GLS: variants seen among roughly 807,000 people sequenced by gnomAD.
GLS encodes the protein glutaminase kidney isoform, mitochondrial.
GLS carries 36 observed loss-of-function variants against 86.7 expected under a neutral mutation model. The ratio of observed to expected loss-of-function variants is 0.42; its 90% CI spans 0.32 to 0.55. The LOEUF (loss-of-function observed/expected upper bound fraction) is 0.55. GLS is among the 20% of genes least tolerant of loss of function. GLS has a pLI of 0.17. For synonymous variants in GLS, 317 were observed against 305.9 expected (o/e 1.04, Z -0.38); for missense variants, 528 against 833.4 (o/e 0.63, Z 4.51).
chr2:190,933,004 T>G, intron 14 of GLS: 7 of 1,188,086 alleles, frequency 5.9e-6, no homozygotes, highest in Non-Finnish European at 7.3e-6. Context: ...TTTTTTTCCT[T>G]TTAATCTTTG....
Position 190,913,409 on chromosome 2 carries a change from C to A in GLS, c.1038+3088C>A. The A allele has an allele frequency of 1.1e-6, 1 of 926,316 alleles. No homozygotes were observed. Among genetic ancestry groups the A allele is most frequent in the Non-Finnish European group, 1.4e-6 (1 of 731,362 alleles). The allele number at this position is 926,316 out of a possible 1,614,324, so 57.4% of individuals were successfully genotyped here. ...CAAATGTAATTTTATACTTAAAATG[C>A]ACATAATTTTTAAAAATCATAAGGG... On this transcript the variant is annotated intron_variant, in intron 7 of 17. Coordinates refer to ENST00000320717, the MANE Select transcript of GLS (RefSeq NM_014905.5). The surrounding 1 kb of genome is among the most constrained non-coding windows in gnomAD (Gnocchi z 6.1).
chr2:190,882,618 T>C (rs1688241386), intron 1 of GLS, among the ~76,000 whole-genome samples: 1 of 152,228 alleles, frequency 6.6e-6, no homozygotes. Context: ...GCCTGCTTGA[T>C]GTTTTCCTGT....
intron 1 of GLS, among the ~76,000 whole-genome samples, chr2:190,892,842 A>G (rs1325475493): frequency 6.6e-6 from 1 of 152,140 alleles, no homozygotes; most frequent in Non-Finnish European, 1.5e-5. Context: ...CCCTATAGAT[A>G]AAAATTAATT....
intron 3 of GLS, among the ~76,000 whole-genome samples, chr2:190,899,846 C>T (rs189647603): frequency 2.0e-5 from 3 of 152,096 alleles, no homozygotes; most frequent in African/African-American, 7.2e-5. Context: ...ACTTGGTTTA[C>T]TATATTTTTA....
At chr2:190,881,794 C>G (rs559070937) in intron 1 of GLS, 2 of 251,660 alleles carry the variant, frequency 7.9e-6, no homozygotes, top group Non-Finnish European at 1.5e-5. Context: ...GCTGCGTGCT[C>G]AGCTCCCTGG....
At chr2:190,926,077 A>G (rs960788180) in intron 11 of GLS, among the ~76,000 whole-genome samples, 1 of 152,222 alleles carries the variant, frequency 6.6e-6, no homozygotes, top group African/African-American at 2.4e-5. Flanking sequence ...ACAGCCATAG[A>G]AGTGGTACTG....
intron 11 of GLS, 93 bp from the exon 12 acceptor site, chr2:190,927,213 G>A: frequency 2.1e-6 from 2 of 930,854 alleles, no homozygotes; most frequent in Non-Finnish European, 1.6e-6. Flanking sequence ...AAATATTTCA[G>A]ATCTGTATGA....
rs551351554 is a variant in GLS at position 190,962,727 on chromosome 2, A to G, written c.1854-103A>G. On this transcript the variant is annotated intron_variant, in intron 17 of 17. Coordinates refer to ENST00000320717, the MANE Select transcript of GLS (RefSeq NM_014905.5). This position sits in a 1 kb window ranked among gnomAD's most constrained non-coding sequence, Gnocchi z 4.2. ...TATTTGTAAAATTGCTAAAATAGCT[A>G]AATTTGGCCATTTAACCTGCATTTA... The G allele has an allele frequency of 5.3e-5, 33 of 623,592 alleles. 1 individual carries two copies. In the Admixed American group the frequency reaches 9.7e-4, roughly 18 times the overall value. The allele number at this position is 623,592 out of a possible 1,614,324, so 38.6% of individuals were successfully genotyped here. A position where few individuals can be genotyped will look rare whatever the true frequency, so the allele number is the denominator to read the frequency against.
rs1483427002 is a variant in GLS, at chr2:190,901,959, A to G, written c.748A>G (p.Ile250Val). 1.2e-6 allele frequency: 2 copies of G among 1,602,288 alleles called. No homozygotes were observed. The highest frequency in any genetic ancestry group is 1.7e-6 in the Non-Finnish European group (2 of 1,169,374). The stretch of plus-strand genomic sequence containing the variant: ...ATCTTTTGGATAGGTTGCAGATTAT[A>G]TTCCTCAACTGGCCAAATTCAGTCC... ...KQSGGKVADYIPQLAKFSPDL... is the reference protein window; with the variant it reads ...KQSGGKVADYVPQLAKFSPDL... Residue 250 changes from isoleucine to valine, a missense_variant, in exon 5 of 18, where the codon ATT (isoleucine) becomes GTT (valine). Ile to Val is a conservative substitution (Grantham distance 29). This residue lies in a region of GLS where 111 missense variants were observed against 179.5 expected (regional missense o/e 0.62). Coordinates refer to ENST00000320717, the MANE Select transcript of GLS (RefSeq NM_014905.5).
At chr2:190,932,446 A>ATT (rs1280295998) in intron 14 of GLS, among the ~76,000 whole-genome samples, 1 of 151,914 alleles carries the variant, frequency 6.6e-6, no homozygotes, top group African/African-American at 2.4e-5. Flanking sequence ...AATATTTTTA[A>ATT]TACATACTAA....
chr2:190,894,544 T>G (rs1378179629), intron 1 of GLS, among the ~76,000 whole-genome samples: 1 of 152,116 alleles, frequency 6.6e-6, no homozygotes, highest in Non-Finnish European at 1.5e-5. Flanking sequence ...CACAACCCTA[T>G]GAGGGAGGCA....
At chr2:190,885,771 C>A (rs903660489) in intron 1 of GLS, among the ~76,000 whole-genome samples, 1 of 151,888 alleles carries the variant, frequency 6.6e-6, no homozygotes, top group Middle Eastern at 3.4e-3. Context: ...TTGGGCTTCT[C>A]AGGCAGCCCC....
At chr2:190,894,285 TATA>T (rs1201819413) in intron 1 of GLS, among the ~76,000 whole-genome samples, 1 of 152,244 alleles carries the variant, frequency 6.6e-6, no homozygotes, top group Non-Finnish European at 1.5e-5. Flanking sequence ...CTAGATTACT[TATA>T]ATACCTAATA....
At chr2:190,950,452 T>G (rs1274238034) in intron 14 of GLS, among the ~76,000 whole-genome samples, 1 of 152,150 alleles carries the variant, frequency 6.6e-6, no homozygotes, top group East Asian at 1.9e-4. Context: ...AAACATATTT[T>G]GCAGGAAAGA....
intron 12 of GLS, among the ~76,000 whole-genome samples, chr2:190,928,852 C>T (rs1229211247): frequency 4.0e-5 from 5 of 123,964 alleles, no homozygotes; most frequent in African/African-American, 1.5e-4. Flanking sequence ...TTCCATTGTC[C>T]CTTGTATTTC....
At chr2:190,959,111 G>A (rs1227989112) in intron 17 of GLS, among the ~76,000 whole-genome samples, 2 of 152,034 alleles carry the variant, frequency 1.3e-5, no homozygotes, top group African/African-American at 4.8e-5. Context: ...TCCTGTATTG[G>A]GTGCATATAT....
rs1691060543 is a variant in GLS, at chr2:190,963,855, T to TTA, written c.*871_*872dup. On this transcript the variant is annotated 3_prime_UTR_variant, in exon 18 of 18. Transcript: ENST00000320717. ...ATTACTAAGTATAAATTAGTCAAGTTTATCAGTCTAAAAAACGAAGGGATG... is the reference window on the plus strand; with the variant it reads ...ATTACTAAGTATAAATTAGTCAAGTTTATATCAGTCTAAAAAACGAAGGGATG... The TTA allele has an allele frequency of 2.0e-5, 3 of 152,080 alleles. No homozygotes were observed. Among genetic ancestry groups the TTA allele is most frequent in the Non-Finnish European group, 2.9e-5 (2 of 67,994 alleles). The allele number at this position is 152,080 out of a possible 1,614,324, so 9.4% of individuals were successfully genotyped here.
At chr2:190,957,267 T>C (rs569703275) in intron 17 of GLS, among the ~76,000 whole-genome samples, 3 of 152,142 alleles carry the variant, frequency 2.0e-5, no homozygotes, top group Non-Finnish European at 4.4e-5. Context: ...AATTTTTGTA[T>C]TTTTAGTAGA....
rs146844392 is a variant in GLS, at chr2:190,889,294, A to G, written c.387-5858A>G. Among the ~76,000 whole-genome samples, 630 of 152,328 alleles carry G rather than the reference A, an allele frequency of 4.1e-3. 3 individuals are homozygous for G. The highest frequency in any genetic ancestry group is 7.7e-3 in the South Asian group (37 of 4,820). On this transcript the variant is annotated intron_variant, in intron 1 of 17. Coordinates refer to ENST00000320717, the MANE Select transcript of GLS (RefSeq NM_014905.5). Reference sequence around the variant, plus strand: ...TTAATTTTTTTAGATTGAGGATTATAAGAGATCTTACAAACCCTTCTCCCC... The same window carrying G: ...TTAATTTTTTTAGATTGAGGATTATGAGAGATCTTACAAACCCTTCTCCCC...
Sources: gnomAD v4.1 joint callset for allele counts (sites outside exome capture counted in the v4.1 genomes callset) on GRCh38, gnomAD v4.1.1 for gene constraint, gnomAD v4.1.1 regional missense constraint, Gnocchi (gnomAD v3.1) non-coding constraint, MANE v1.5 for transcripts, NCBI Gene and HGNC (gene_info 2026-07-23, HGNC 2026-07-21) for gene names.